SLC25A48: variants seen among roughly 807,000 people sequenced by gnomAD.
SLC25A48 encodes the protein CTC-321K16.1.
In SLC25A48, 29 loss-of-function variants were observed where a neutral mutation model predicts 32.2. That is an observed-to-expected ratio of 0.90 (90% CI 0.67 to 1.23). The LOEUF is 1.23. SLC25A48 is among the 50% of genes most tolerant of loss of function. The pLI is 0.00. For synonymous variants in SLC25A48, 164 were observed against 172.3 expected (o/e 0.95, Z 0.38); for missense variants, 399 against 422.7 (o/e 0.94, Z 0.49).
chr5:135,861,037 T>TA (rs1389720272), intron 4 of SLC25A48, among the ~76,000 whole-genome samples: 1 of 152,204 alleles, frequency 6.6e-6, no homozygotes, highest in Non-Finnish European at 1.5e-5. Flanking sequence ...GTTAAAAATC[T>TA]ACAAGCTACA....
rs187384345 is a variant in SLC25A48 at position 135,697,434 on chromosome 5, G to A, written c.-521+62478G>A. 7.7e-3 allele frequency among the ~76,000 whole-genome samples: 1,175 copies of A among 152,304 alleles called. 7 individuals are homozygous for A. The highest frequency in any genetic ancestry group is 0.012 in the Non-Finnish European group (817 of 68,026). Reference sequence around the variant, plus strand: ...GGTGGTCACAGCTCCTTGAGTCAAGGGCTGTCTGAGAGCCATGCTGGCTGC... The same window carrying A: ...GGTGGTCACAGCTCCTTGAGTCAAGAGCTGTCTGAGAGCCATGCTGGCTGC... On this transcript the variant is annotated intron_variant, in intron 3 of 10. Transcript: ENST00000646290.
chr5:135,718,349 G>T (rs6884286), intron 3 of SLC25A48, among the ~76,000 whole-genome samples: 65,406 of 151,974 alleles, frequency 0.43, 15,104 homozygotes, highest in Non-Finnish European at 0.52. Flanking sequence ...GCATCAAGCC[G>T]GTGAGTCACT....
At chr5:135,850,364 C>G in intron 2 of SLC25A48, 61 bp from the exon 3 acceptor site, 1 of 1,546,944 alleles carries the variant, frequency 6.5e-7, no homozygotes, top group Non-Finnish European at 8.9e-7. Flanking sequence ...CTGGGCATCT[C>G]CGGAGCAGTG....
chr5:135,591,709 C>G (rs1232079953), intron 1 of SLC25A48, among the ~76,000 whole-genome samples: 1 of 152,194 alleles, frequency 6.6e-6, no homozygotes, highest in Non-Finnish European at 1.5e-5. Flanking sequence ...TGGTGAGTGA[C>G]TGTTCTGGCC....
upstream of SLC25A48, among the ~76,000 whole-genome samples, chr5:135,829,786 G>C (rs568312904): frequency 1.3e-5 from 2 of 152,070 alleles, no homozygotes; most frequent in East Asian, 1.9e-4. Context: ...ATGGACCCTG[G>C]AGTCAAACAG....
chr5:135,711,155 T>A (rs1163314516), intron 3 of SLC25A48, among the ~76,000 whole-genome samples: 3 of 152,210 alleles, frequency 2.0e-5, no homozygotes, highest in Admixed American at 2.0e-4. Context: ...CACTGTGGAC[T>A]TTCTGTGAGA....
intron 3 of SLC25A48, among the ~76,000 whole-genome samples, chr5:135,698,911 G>A (rs1477257616): frequency 6.6e-6 from 1 of 152,198 alleles, no homozygotes; most frequent in African/African-American, 2.4e-5. Flanking sequence ...AGGAAGATAT[G>A]TGAATGGCCA....
intron 3 of SLC25A48, among the ~76,000 whole-genome samples, chr5:135,714,111 C>T (rs559877912): frequency 3.3e-5 from 5 of 152,292 alleles, no homozygotes; most frequent in African/African-American, 7.2e-5. Flanking sequence ...TCCCTGGGGG[C>T]GCTGGGCTCC....
At chr5:135,637,130 G>C (rs1160095590) in intron 3 of SLC25A48, among the ~76,000 whole-genome samples, 1 of 152,190 alleles carries the variant, frequency 6.6e-6, no homozygotes, top group East Asian at 1.9e-4. Flanking sequence ...CTGGCCTTCA[G>C]AGTTTATAAT....
intron 3 of SLC25A48, among the ~76,000 whole-genome samples, chr5:135,732,545 C>T (rs990944426): frequency 6.6e-6 from 1 of 151,976 alleles, no homozygotes; most frequent in South Asian, 2.1e-4. Flanking sequence ...CCTGAAAAAT[C>T]CCTGAGGAGT....
chr5:135,681,630 A>T (rs1753899441), intron 3 of SLC25A48, among the ~76,000 whole-genome samples: 2 of 152,108 alleles, frequency 1.3e-5, no homozygotes, highest in Admixed American at 1.3e-4. Context: ...CTTGCCAGAC[A>T]TTGTTGATTT....
intron 1 of SLC25A48, among the ~76,000 whole-genome samples, chr5:135,585,176 A>G (rs1321361661): frequency 6.6e-6 from 1 of 152,096 alleles, no homozygotes; most frequent in Admixed American, 6.6e-5. Context: ...GCACAGGGGA[A>G]CAAGCAGCCC....
chr5:135,633,291 T>A (rs556891751), intron 2 of SLC25A48, among the ~76,000 whole-genome samples: 1 of 138,830 alleles, frequency 7.2e-6, no homozygotes, highest in South Asian at 2.5e-4. Flanking sequence ...AGGGACTGAA[T>A]TGTGTCCCCC....
intron 3 of SLC25A48, among the ~76,000 whole-genome samples, chr5:135,767,191 C>CG (rs953160601): frequency 6.6e-6 from 1 of 150,520 alleles, no homozygotes; most frequent in Non-Finnish European, 1.5e-5. Context: ...AGGTACACCC[C>CG]CCCCCCGTGA....
chr5:135,707,835 C>T (rs1000966671), intron 3 of SLC25A48, among the ~76,000 whole-genome samples: 1 of 152,190 alleles, frequency 6.6e-6, no homozygotes, highest in Non-Finnish European at 1.5e-5. Context: ...GGGCATGTAG[C>T]CAGGGAGCAT....
chr5:135,810,690 CA>C (rs1268519492), intron 3 of SLC25A48, among the ~76,000 whole-genome samples: 1 of 152,172 alleles, frequency 6.6e-6, no homozygotes, highest in Non-Finnish European at 1.5e-5. Context: ...TTTTATATTG[CA>C]AGTCCCTGTG....
intron 2 of SLC25A48, among the ~76,000 whole-genome samples, chr5:135,847,311 G>A (rs1479766625): frequency 6.6e-6 from 1 of 152,166 alleles, no homozygotes; most frequent in East Asian, 1.9e-4. Flanking sequence ...GACTTGTTTT[G>A]GTCTCAGTAG....
chr5:135,597,889 A>G (rs1265813857), intron 1 of SLC25A48, among the ~76,000 whole-genome samples: 1 of 152,168 alleles, frequency 6.6e-6, no homozygotes, highest in East Asian at 1.9e-4. Context: ...CTGTAGTCCC[A>G]GCTACTCGGG....
Position 135,692,196 on chromosome 5 carries a change from T to C in SLC25A48, c.-521+57240T>C, listed in dbSNP as rs541202085. Among the ~76,000 whole-genome samples, 380 of 151,836 alleles carry C rather than the reference T, an allele frequency of 2.5e-3. 4 individuals are homozygous for C. The highest frequency in any genetic ancestry group is 4.5e-3 in the Non-Finnish European group (308 of 67,984). Reference sequence around the variant, plus strand: ...AGCTGGGTGTGGTGGCATGCGCCTGTAGTCCCACCTACTTGGGAGGCTGAG... The same window carrying C: ...AGCTGGGTGTGGTGGCATGCGCCTGCAGTCCCACCTACTTGGGAGGCTGAG... On this transcript the variant is annotated intron_variant, in intron 3 of 10. Transcript: ENST00000646290.
Sources: allele counts gnomAD v4.1 joint callset (sites outside exome capture counted in the v4.1 genomes callset), GRCh38; gene constraint gnomAD v4.1.1; transcripts MANE v1.5; gene names NCBI Gene and HGNC (gene_info 2026-07-23, HGNC 2026-07-21).